Variants in SMC4 observed in about 807,000 individuals in gnomAD.
The protein encoded by SMC4 is structural maintenance of chromosomes protein 4.
Under a neutral mutation model 145.6 loss-of-function variants are expected in SMC4, and 87 were observed. That is an observed-to-expected ratio of 0.60 (90% CI 0.50 to 0.71). The LOEUF is 0.71. Among genes scored for constraint, SMC4 ranks in the 30% least tolerant of loss-of-function variants. The pLI is 0.00. For missense variants in SMC4, 1,447 were observed against 1,537.1 expected (o/e 0.94, Z 0.98); for synonymous variants, 558 against 500.7 (o/e 1.11, Z -1.53).
In SMC4 at chr3:160,426,525, T is replaced by C. The variant is rs192374282; in HGVS notation, c.2605+325T>C. On this transcript the variant is annotated intron_variant, in intron 17 of 23. Coordinates refer to ENST00000357388, the MANE Select transcript of SMC4 (RefSeq NM_001002800.3). ...GATAGTGGTTATAGATTTAGAAAAATTATATCACTCAGATAACACAGGGAA... is the reference window on the plus strand; with the variant it reads ...GATAGTGGTTATAGATTTAGAAAAACTATATCACTCAGATAACACAGGGAA... Among the ~76,000 whole-genome samples, 18 of 152,252 alleles carry C rather than the reference T, an allele frequency of 1.2e-4. No homozygotes were observed. The South Asian group carries it at 3.5e-3, about 30-fold the overall frequency.
intron 22 of SMC4, 149 bp from the exon 23 acceptor site, chr3:160,432,877 T>C: frequency 1.6e-6 from 1 of 624,138 alleles, no homozygotes; most frequent in Non-Finnish European, 2.8e-6. Flanking sequence ...AACGTTTTTA[T>C]AAAATAACAG....
chr3:160,433,253 G>A (rs767113493), intron 23 of SMC4, 44 bp downstream of exon 23: 18 of 1,364,728 alleles, frequency 1.3e-5, no homozygotes, highest in African/African-American at 4.3e-5. Flanking sequence ...ACTTTTAGGG[G>A]TATCCTAAAC....
chr3:160,423,222 G>A (rs1717370306), intron 13 of SMC4, among the ~76,000 whole-genome samples: 1 of 152,144 alleles, frequency 6.6e-6, no homozygotes, highest in Admixed American at 6.5e-5. Context: ...GATCAGTTTA[G>A]ATAGTATAGG....
chr3:160,400,733 A>G, intron 1 of SMC4, 89 bp from the exon 2 acceptor site: 2 of 1,375,120 alleles, frequency 1.5e-6, no homozygotes, highest in South Asian at 3.2e-5. Context: ...GGGCTCTCGG[A>G]AGCCGGTGGA....
intron 5 of SMC4, among the ~76,000 whole-genome samples, chr3:160,409,252 C>T (rs941312481): frequency 3.7e-5 from 4 of 107,764 alleles, no homozygotes; most frequent in Non-Finnish European, 5.1e-5. Context: ...GGCGACAGAG[C>T]GAAACTCCGT....
intron 17 of SMC4, 106 bp downstream of exon 17, chr3:160,426,306 AG>A: frequency 3.7e-6 from 3 of 807,724 alleles, no homozygotes; most frequent in Non-Finnish European, 6.2e-6. Context: ...AGTATATGCA[AG>A]TCATTGCACT....
intron 15 of SMC4, among the ~76,000 whole-genome samples, 167 bp from the exon 16 acceptor site, chr3:160,424,700 C>T (rs892218009): frequency 6.6e-6 from 1 of 152,206 alleles, no homozygotes; most frequent in African/African-American, 2.4e-5. Flanking sequence ...GTCCCAGCTA[C>T]TCAGGAGGCT....
intron 20 of SMC4, 63 bp downstream of exon 20, chr3:160,431,268 G>C: frequency 7.1e-7 from 1 of 1,412,938 alleles, no homozygotes; most frequent in Admixed American, 2.7e-5. Flanking sequence ...AGGGTTTGGG[G>C]AGGATTGTTT....
In SMC4 at chr3:160,417,868, T is replaced by C. The variant is rs939388046; in HGVS notation, c.1583T>C (p.Ile528Thr). 4.2e-5 allele frequency: 68 copies of C among 1,613,618 alleles called. No individual in the cohort carries two copies. The highest frequency in any genetic ancestry group is 5.4e-5 in the Non-Finnish European group (64 of 1,179,792). Residue 528 changes from isoleucine to threonine, a missense_variant, in exon 11 of 24, where the codon ATT (isoleucine) becomes ACT (threonine). Physicochemically the swap from Ile to Thr is moderately conservative, Grantham distance 89. Coordinates refer to ENST00000357388, the MANE Select transcript of SMC4 (RefSeq NM_001002800.3). Reference protein sequence around the residue: ...SQLTKAKEALIAASETLKERK... With the variant: ...SQLTKAKEALTAASETLKERK... ...TTAACTAAGGCTAAGGAAGCTCTAA[T>C]TGCAGCTTCTGAGACTCTCAAAGAA...
intron 19 of SMC4, 96 bp downstream of exon 19, chr3:160,430,839 CAT>C (rs1308766109): frequency 2.2e-6 from 3 of 1,380,912 alleles, no homozygotes; most frequent in African/African-American, 2.9e-5. Flanking sequence ...AGTAAGCACT[CAT>C]AGACTTAAAG....
intron 5 of SMC4, among the ~76,000 whole-genome samples, chr3:160,410,740 T>C (rs1030314313): frequency 6.6e-6 from 1 of 152,200 alleles, no homozygotes; most frequent in Non-Finnish European, 1.5e-5. Flanking sequence ...CTTTTTGTAA[T>C]TATGTTGAGG....
rs544452567 is a variant in SMC4, at chr3:160,407,765, T to G, written c.687+3261T>G. On this transcript the variant is annotated intron_variant, in intron 5 of 23. Transcript: ENST00000357388. ...CAAAAGAAATTTTTAGTTTTTTCAG[T>G]AATGCCTCAGTTTTCCAAAGGTGTC... is the stretch of plus-strand genomic sequence containing the variant. 1.1e-4 allele frequency among the ~76,000 whole-genome samples: 17 copies of G among 152,262 alleles called. No homozygotes were observed. In the South Asian group the frequency reaches 3.3e-3, roughly 30 times the overall value.
intron 16 of SMC4, 72 bp downstream of exon 16, chr3:160,425,091 C>G: frequency 6.8e-7 from 1 of 1,473,012 alleles, no homozygotes; most frequent in Non-Finnish European, 9.0e-7. Context: ...TTTATCAGAA[C>G]CATTTTGCTA....
At chr3:160,421,920 A>G (rs1004207725) in intron 13 of SMC4, among the ~76,000 whole-genome samples, 5 of 152,044 alleles carry the variant, frequency 3.3e-5, no homozygotes, top group Admixed American at 6.6e-5. Flanking sequence ...AACACTAACT[A>G]CTTTTTTGTT....
At chr3:160,410,837 C>A (rs1196693082) in intron 5 of SMC4, among the ~76,000 whole-genome samples, 1 of 152,182 alleles carries the variant, frequency 6.6e-6, no homozygotes, top group Admixed American at 6.5e-5. Context: ...ATAGGAATCA[C>A]TAAGATATTT....
At chr3:160,410,289 T>C (rs1715843369) in intron 5 of SMC4, among the ~76,000 whole-genome samples, 1 of 152,166 alleles carries the variant, frequency 6.6e-6, no homozygotes, top group Non-Finnish European at 1.5e-5. Flanking sequence ...AGCATAGCTC[T>C]CCACAACAAA....
In SMC4 at chr3:160,404,330, AG is replaced by A. The variant is rs1715060642; in HGVS notation, c.517del (p.Asp173MetfsTer27). 1 of 1,599,132 alleles carries A rather than the reference AG, an allele frequency of 6.3e-7. No individual in the cohort carries two copies. Among genetic ancestry groups the A allele is most frequent in the African/African-American group, 1.4e-5 (1 of 73,902 alleles). ...GGTTTTGTTTTTCCTCAAAACAGGAAGGGGATGATTATGAAGTCATTCCTAA... is the reference window on the plus strand; with the variant it reads ...GGTTTTGTTTTTCCTCAAAACAGGAAGGGATGATTATGAAGTCATTCCTAA... Reference protein sequence around the residue: ...VHFQKIIDKEGDDYEVIPNSN... With the variant: ...VHFQKIIDKEXDDYEVIPNSN... On this transcript the variant is annotated frameshift_variant, in exon 5 of 24. Transcript: ENST00000357388. LOFTEE classifies it high-confidence loss of function.
Position 160,431,843 on chromosome 3 carries a change from A to G in SMC4, c.3297+18A>G. 5.0e-6 allele frequency: 8 copies of G among 1,592,626 alleles called. No individual in the cohort carries two copies. The highest frequency in any genetic ancestry group is 4.5e-5 in the East Asian group (2 of 44,630). On this transcript the variant is annotated intron_variant, in intron 21 of 23. Transcript: ENST00000357388. ...AAAAGAAGGTATGAATGAACTGTGT[A>G]TGTATACTAGTTGGAGTTCTTTTTA... is the stretch of plus-strand genomic sequence containing the variant.
At chr3:160,426,903 T>C (rs1012061011) in intron 17 of SMC4, among the ~76,000 whole-genome samples, 13 of 152,196 alleles carry the variant, frequency 8.5e-5, no homozygotes, top group African/African-American at 2.7e-4. Flanking sequence ...AGGTTCATTT[T>C]ATTCTTAAGA....
Sources: allele counts gnomAD v4.1 joint callset (sites outside exome capture counted in the v4.1 genomes callset), GRCh38; gene constraint gnomAD v4.1.1; transcripts MANE v1.5; gene names NCBI Gene and HGNC (gene_info 2026-07-23, HGNC 2026-07-21).